The following GATA4 variants were observed in gnomAD, a reference collection of about 807,000 sequenced individuals.
GATA4 encodes the protein transcription factor GATA-4.
A neutral mutation model predicts 37.9 loss-of-function variants in GATA4; 7 were observed. The ratio of observed to expected loss-of-function variants is 0.18; its 90% CI spans 0.11 to 0.35. The LOEUF (loss-of-function observed/expected upper bound fraction) is 0.35. Ranked by LOEUF, GATA4 falls within the 10% of genes least tolerant of loss-of-function variation. The pLI is 1.00. For synonymous variants in GATA4, 372 were observed against 292.6 expected (o/e 1.27, Z -2.77); for missense variants, 647 against 653.0 (o/e 0.99, Z 0.10).
chr8:11,758,234 A>G, intron 6 of GATA4, 59 bp from the exon 7 acceptor site: 1 of 1,584,304 alleles, frequency 6.3e-7, no homozygotes, highest in Non-Finnish European at 8.7e-7. Flanking sequence ...CCCAGCCTAG[A>G]CCTCCCAAGC....
At chr8:11,736,882 A>G (rs115500130) in intron 2 of GATA4, among the ~76,000 whole-genome samples, 5 of 152,336 alleles carry the variant, frequency 3.3e-5, no homozygotes, top group African/African-American at 1.2e-4. Flanking sequence ...TGAGGCCTAT[A>G]TAGGCAAAAT....
intron 2 of GATA4, among the ~76,000 whole-genome samples, chr8:11,721,806 T>G (rs1029226835): frequency 5.9e-5 from 9 of 152,026 alleles, no homozygotes; most frequent in African/African-American, 2.2e-4. Context: ...TGACATAGGA[T>G]TACAATATAG....
At chr8:11,683,207 A>T (rs1459575310) in intron 1 of GATA4, 1 of 879,144 alleles carries the variant, frequency 1.1e-6, no homozygotes, top group African/African-American at 1.8e-5. Context: ...ATTAGACCTC[A>T]GCATTTATCC....
chr8:11,684,006 C>G (rs1050320373), intron 1 of GATA4, among the ~76,000 whole-genome samples: 3 of 152,252 alleles, frequency 2.0e-5, no homozygotes, highest in Non-Finnish European at 2.9e-5. Context: ...TCCCAAGTCT[C>G]CGGGTTTATG....
intron 4 of GATA4, among the ~76,000 whole-genome samples, chr8:11,753,968 C>G (rs1432468654): frequency 1.3e-5 from 2 of 152,212 alleles, no homozygotes; most frequent in Non-Finnish European, 2.9e-5. Flanking sequence ...GTGAATGGCT[C>G]TGGGGCCTGC....
chr8:11,710,688 C>CAAAA (rs57178682), intron 2 of GATA4, among the ~76,000 whole-genome samples: 1 of 37,280 alleles, frequency 2.7e-5, no homozygotes, highest in African/African-American at 1.2e-4. Flanking sequence ...GACTACGTCT[C>CAAAA]AAAAAAAAAA....
Position 11,748,788 on chromosome 8 carries a change from C to T in GATA4, c.617-128C>T, listed in dbSNP as rs565866760. 1.3e-5 allele frequency: 14 copies of T among 1,046,316 alleles called. No homozygotes were observed. In the East Asian group the frequency reaches 2.8e-4, roughly 21 times the overall value. The allele number at this position is 1,046,316 out of a possible 1,614,324, so 64.8% of individuals were successfully genotyped here. A position where few individuals can be genotyped will look rare whatever the true frequency, so the allele number is the denominator to read the frequency against. On this transcript the variant is annotated intron_variant, in intron 2 of 6. Coordinates refer to ENST00000532059, the MANE Select transcript of GATA4 (RefSeq NM_001308093.3). ...AGAGTGAGGAAGAGCAAGAGCAGCC[C>T]GAGGTGGTCTTCTCTTTCCAAGGAA...
intron 4 of GATA4, among the ~76,000 whole-genome samples, chr8:11,753,345 G>A (rs1011479736): frequency 6.6e-6 from 1 of 152,128 alleles, no homozygotes; most frequent in South Asian, 2.1e-4. Context: ...TAATGGGTAT[G>A]GAGTTTGAGT....
rs943026431 is a variant in GATA4 at position 11,724,457 on chromosome 8, A to T, written c.616+15529A>T. Among the ~76,000 whole-genome samples the T allele has an allele frequency of 5.3e-5, 8 of 152,328 alleles. No homozygotes were observed. In the East Asian group the frequency reaches 1.5e-3, roughly 29 times the overall value. On this transcript the variant is annotated intron_variant, in intron 2 of 6. Coordinates refer to ENST00000532059, the MANE Select transcript of GATA4 (RefSeq NM_001308093.3). ...TTTACATCTGTCAGTCTTTCCAAAA[A>T]TCCCATTCTCAACATCTCCAACGTA...
At position 11,708,468 on chromosome 8, in the gene GATA4, C is replaced by G; in HGVS notation, c.156C>G (p.Ser52=). ...PRVPSSVLGL[S]YLQGGGAGSA... ...TGCCCTCCTCCGTGCTGGGCCTGTC[C>G]TACCTCCAGGGCGGAGGCGCGGGCT... is the stretch of plus-strand genomic sequence containing the variant. Residue 52 remains serine (S), a synonymous_variant, in exon 2 of 7, where the codon TCC becomes TCG. Transcript: ENST00000532059. This position sits in a 1 kb window ranked among gnomAD's most constrained non-coding sequence, Gnocchi z 6.7. The G allele has an allele frequency of 6.5e-7, 1 of 1,528,048 alleles. No individual in the cohort carries two copies. Among genetic ancestry groups the G allele is most frequent in the Non-Finnish European group, 8.7e-7 (1 of 1,143,538 alleles). The allele number at this position is 1,528,048 out of a possible 1,614,324, so 94.7% of individuals were successfully genotyped here.
At chr8:11,755,498 C>A (rs1052666578) in intron 5 of GATA4, among the ~76,000 whole-genome samples, 10 of 152,174 alleles carry the variant, frequency 6.6e-5, no homozygotes, top group African/African-American at 2.4e-5. Context: ...TCTCTTTGGG[C>A]TAACGGGGAT....
chr8:11,742,091 C>T (rs1200693380), intron 2 of GATA4, among the ~76,000 whole-genome samples: 1 of 152,170 alleles, frequency 6.6e-6, no homozygotes. Flanking sequence ...CAGCCTCCCA[C>T]GCTCACCCTA....
At chr8:11,696,869 T>C (rs2130004060) in intron 1 of GATA4, among the ~76,000 whole-genome samples, 1 of 152,334 alleles carries the variant, frequency 6.6e-6, no homozygotes, top group South Asian at 2.1e-4. Flanking sequence ...CTACCTGTTC[T>C]GAGCCCACCA....
chr8:11,703,995 C>T (rs1406803340), upstream of GATA4, among the ~76,000 whole-genome samples: 2 of 152,260 alleles, frequency 1.3e-5, no homozygotes, highest in Admixed American at 6.5e-5. Flanking sequence ...TCCCCGCTCC[C>T]TGGCGGTAGC....
chr8:11,724,030 T>C (rs1800801552), intron 2 of GATA4, among the ~76,000 whole-genome samples: 1 of 152,216 alleles, frequency 6.6e-6, no homozygotes. Flanking sequence ...TCTCTGAATG[T>C]AACTACTTTA....
At chr8:11,684,128 G>A (rs1799064904) in intron 1 of GATA4, among the ~76,000 whole-genome samples, 1 of 152,226 alleles carries the variant, frequency 6.6e-6, no homozygotes, top group South Asian at 2.1e-4. Flanking sequence ...TGGTGATGGA[G>A]ATCCCTGAGC....
Position 11,756,996 on chromosome 8 carries a change from C to T in GATA4, c.1062C>T (p.Ala354=). The T allele has an allele frequency of 6.2e-7, 1 of 1,614,172 alleles. No homozygotes were observed. The highest frequency in any genetic ancestry group is 8.5e-7 in the Non-Finnish European group (1 of 1,180,042). The change falls in exon 6 of 7, where the codon GCC becomes GCT. Residue 354 remains alanine (A), a synonymous_variant. Coordinates refer to ENST00000532059, the MANE Select transcript of GATA4 (RefSeq NM_001308093.3). ...ASGASSNSSN[A]TTSSSEEMRP... The stretch of plus-strand genomic sequence containing the variant: ...GTGCTTCCAGCAACTCCAGCAACGC[C>T]ACCACCAGCAGCAGCGAGGAGATGC...
At chr8:11,748,824 T>G (rs779865083) in intron 2 of GATA4, 92 bp from the exon 3 acceptor site, 16 of 1,451,118 alleles carry the variant, frequency 1.1e-5, no homozygotes, top group Non-Finnish European at 1.5e-5. Context: ...AGGGCATTGT[T>G]TCTGTGCGCT....
At chr8:11,719,025 A>G (rs1585619505) in intron 2 of GATA4, among the ~76,000 whole-genome samples, 2 of 152,212 alleles carry the variant, frequency 1.3e-5, no homozygotes, top group African/African-American at 4.8e-5. Flanking sequence ...CTATCTTATG[A>G]TATCTGTCAT....
Sources: gnomAD v4.1 joint callset for allele counts (sites outside exome capture counted in the v4.1 genomes callset) on GRCh38, gnomAD v4.1.1 for gene constraint, Gnocchi (gnomAD v3.1) non-coding constraint, MANE v1.5 for transcripts, NCBI Gene and HGNC (gene_info 2026-07-23, HGNC 2026-07-21) for gene names.